The following SLC25A13 variants were observed in gnomAD, a reference collection of about 807,000 sequenced individuals.
The protein encoded by SLC25A13 is solute carrier family 25 member 13, also known as electrogenic aspartate/glutamate antiporter SLC25A13, mitochondrial.
A neutral mutation model predicts 85.5 loss-of-function variants in SLC25A13; 70 were observed. The observed-to-expected ratio is 0.82, with a 90% CI of 0.68 to 1.00. The LOEUF is 1.00. Among genes scored for constraint, SLC25A13 ranks in the 50% least tolerant of loss-of-function variants. SLC25A13 has a pLI of 0.00. For synonymous variants in SLC25A13, 259 were observed against 288.7 expected, an observed-to-expected ratio of 0.90 and a Z score of 1.04; for missense variants, 765 against 819.8, an observed-to-expected ratio of 0.93 and a Z score of 0.82.
intron 2 of SLC25A13, among the ~76,000 whole-genome samples, chr7:96,294,768 C>G (rs1799284791): frequency 6.6e-6 from 1 of 152,198 alleles, no homozygotes; most frequent in Admixed American, 6.5e-5. Flanking sequence ...GCCTCAAATT[C>G]CTAGGCTCAA....
chr7:96,149,216 CCA>C (rs1234133004), intron 13 of SLC25A13, among the ~76,000 whole-genome samples: 1 of 152,200 alleles, frequency 6.6e-6, no homozygotes, highest in Non-Finnish European at 1.5e-5. Context: ...TTCTTGAATG[CCA>C]CAGTTTCTAA....
At position 96,292,421 on chromosome 7, in the gene SLC25A13, C is replaced by A. The variant is rs185975384; in HGVS notation, c.69+4477G>T. On this transcript the variant is annotated intron_variant, in intron 2 of 17. Transcript: ENST00000265631. ...TCCTATTTAACATAGTGTTGGAAGT[C>A]CTGGCCAGGGCAATCAGGCAGGAGA... Among the ~76,000 whole-genome samples, 831 of 152,192 alleles carry A rather than the reference C, an allele frequency of 5.5e-3. 9 individuals carry two copies. The highest frequency in any genetic ancestry group is 0.019 in the African/African-American group (801 of 41,524).
intron 4 of SLC25A13, among the ~76,000 whole-genome samples, chr7:96,224,666 C>CT (rs1228356149): frequency 6.6e-6 from 1 of 152,220 alleles, no homozygotes; most frequent in Non-Finnish European, 1.5e-5. Context: ...ACTGGTAACT[C>CT]TAAGCCAGGT....
intron 1 of SLC25A13, among the ~76,000 whole-genome samples, chr7:96,305,024 T>G (rs1799692613): frequency 6.6e-6 from 1 of 152,224 alleles, no homozygotes; most frequent in Non-Finnish European, 1.5e-5. Context: ...CAGCTAACTT[T>G]TACTGGGTCC....
chr7:96,141,535 C>G (rs909793755), intron 14 of SLC25A13, among the ~76,000 whole-genome samples: 2 of 152,024 alleles, frequency 1.3e-5, no homozygotes, highest in African/African-American at 4.8e-5. Flanking sequence ...AGTCAAGAGA[C>G]AAAATAAAGA....
intron 2 of SLC25A13, 142 bp downstream of exon 2, chr7:96,296,756 C>T (rs976402022): frequency 1.3e-6 from 1 of 767,898 alleles, no homozygotes; most frequent in Non-Finnish European, 2.2e-6. Context: ...GCTGGGATTA[C>T]AGGCATGAGC....
chr7:96,233,914 G>A (rs1160973444), intron 4 of SLC25A13, among the ~76,000 whole-genome samples: 4 of 152,194 alleles, frequency 2.6e-5, no homozygotes, highest in East Asian at 1.9e-4. Context: ...TGGGTCTCAC[G>A]TTCTATGACG....
At chr7:96,205,291 T>A (rs575187199) in intron 5 of SLC25A13, among the ~76,000 whole-genome samples, 2 of 152,336 alleles carry the variant, frequency 1.3e-5, no homozygotes, top group South Asian at 4.1e-4. Context: ...ACAAAGAATA[T>A]TAAAATCTAT....
In SLC25A13 at chr7:96,277,327, A is replaced by G. The variant is rs1434070086; in HGVS notation, c.81T>C (p.Ile27=). Residue 27 remains isoleucine (I), a synonymous_variant, in exon 3 of 18, where the codon ATT becomes ATC. Transcript: ENST00000265631. Reference sequence around the variant, plus strand: ...ACATGAAAAATTCACCGTTTTTCTCAATGCTTGCATACTGTTTAAAAAAAA... The same window carrying G: ...ACATGAAAAATTCACCGTTTTTCTCGATGCTTGCATACTGTTTAAAAAAAA... The part of the protein sequence containing the change: ...LRTIFLKYAS[I]EKNGEFFMSP... 2.5e-6 allele frequency: 4 copies of G among 1,612,800 alleles called. No individual in the cohort carries two copies. Among genetic ancestry groups the G allele is most frequent in the Non-Finnish European group, 3.4e-6 (4 of 1,179,370 alleles).
At chr7:96,299,086 C>G (rs1799457275) in intron 1 of SLC25A13, among the ~76,000 whole-genome samples, 1 of 152,164 alleles carries the variant, frequency 6.6e-6, no homozygotes, top group Admixed American at 6.5e-5. Flanking sequence ...AAATTTTCCA[C>G]AAAATGAAGT....
At position 96,322,056 on chromosome 7, in the gene SLC25A13, G is replaced by GGGGCGGCGATAC. The variant is rs1800379922; in HGVS notation, c.-112_-101dup. The stretch of plus-strand genomic sequence containing the variant: ...TCTAGTCCCGGCGGCGGCGGCGGTG[G>GGGGCGGCGATAC]GGGCGGCGATACGGCCAGGCAGCGT... On this transcript the variant is annotated 5_prime_UTR_variant, in exon 1 of 18. Transcript: ENST00000265631. 1 of 1,475,042 alleles carries GGGGCGGCGATAC rather than the reference G, an allele frequency of 6.8e-7. No homozygotes were observed. Among genetic ancestry groups the GGGGCGGCGATAC allele is most frequent in the Non-Finnish European group, 9.1e-7 (1 of 1,097,216 alleles). 91.4% of individuals were successfully genotyped at this position (1,475,042 alleles called of 1,614,324 possible).
rs528058429 is a variant in SLC25A13, at chr7:96,150,132, T to C, written c.1312-3436A>G. ...TACATGTTTCCTGGTATACTCTTTG[T>C]TATTGAAATCTTAGTTATCATCTAG... On this transcript the variant is annotated intron_variant, in intron 13 of 17. Transcript: ENST00000265631. Among the ~76,000 whole-genome samples the C allele has an allele frequency of 5.3e-4, 81 of 151,978 alleles. 1 individual carries two copies. Among genetic ancestry groups the C allele is most frequent in the African/African-American group, 1.9e-3 (79 of 41,440 alleles).
At chr7:96,173,820 A>G (rs986579256) in intron 11 of SLC25A13, among the ~76,000 whole-genome samples, 9 of 152,222 alleles carry the variant, frequency 5.9e-5, no homozygotes, top group African/African-American at 1.9e-4. Context: ...ACGCAAATCA[A>G]GAGTTCAGCA....
chr7:96,200,701 G>T (rs1795222830), intron 5 of SLC25A13, among the ~76,000 whole-genome samples: 1 of 152,130 alleles, frequency 6.6e-6, no homozygotes, highest in Non-Finnish European at 1.5e-5. Context: ...CAAATACAGA[G>T]CTTTTCCATC....
chr7:96,277,518 T>C (rs570074406), intron 2 of SLC25A13, among the ~76,000 whole-genome samples, 180 bp from the exon 3 acceptor site: 2 of 152,350 alleles, frequency 1.3e-5, no homozygotes, highest in East Asian at 3.9e-4. Context: ...TCAAGTTTTA[T>C]GTTTATAAAC....
chr7:96,208,126 C>A (rs1453095561), intron 5 of SLC25A13, among the ~76,000 whole-genome samples: 1 of 152,170 alleles, frequency 6.6e-6, no homozygotes, highest in Non-Finnish European at 1.5e-5. Context: ...AAGCTGAAGA[C>A]AAATCTGTCC....
intron 1 of SLC25A13, among the ~76,000 whole-genome samples, chr7:96,304,698 C>G (rs913784181): frequency 7.9e-5 from 12 of 152,162 alleles, no homozygotes; most frequent in African/African-American, 1.2e-4. Context: ...TACCCCACCC[C>G]CCAGCTAACA....
chr7:96,258,001 T>C (rs1209121657), intron 3 of SLC25A13, among the ~76,000 whole-genome samples: 1 of 152,210 alleles, frequency 6.6e-6, no homozygotes, highest in Non-Finnish European at 1.5e-5. Flanking sequence ...GAAAAGGCCT[T>C]TGATAAAATT....
chr7:96,133,420 T>A (rs970648621), intron 14 of SLC25A13, among the ~76,000 whole-genome samples: 2 of 152,290 alleles, frequency 1.3e-5, no homozygotes, highest in Admixed American at 6.5e-5. Context: ...ATCTATCAAT[T>A]GTGCATTTAC....
Sources: gnomAD v4.1 joint callset for allele counts (sites outside exome capture counted in the v4.1 genomes callset) on GRCh38, gnomAD v4.1.1 for gene constraint, MANE v1.5 for transcripts, NCBI Gene and HGNC (gene_info 2026-07-23, HGNC 2026-07-21) for gene names.